SH3KBP1: variants seen among roughly 807,000 people sequenced by gnomAD.
SH3KBP1 encodes SH3 domain-containing kinase-binding protein 1.
SH3KBP1 carries 8 observed loss-of-function variants against 50.1 expected under a neutral mutation model. The ratio of observed to expected loss-of-function variants is 0.16; its 90% CI spans 0.09 to 0.29. The LOEUF is 0.29. SH3KBP1 is among the 10% of genes least tolerant of loss of function. The probability of loss-of-function intolerance (pLI) is 1.00; values close to 1 mark genes in which losing one functional copy is unlikely to be tolerated. For missense variants in SH3KBP1, 377 were observed against 535.2 expected (o/e 0.70, Z 2.92); for synonymous variants, 227 against 218.6 (o/e 1.04, Z -0.34).
At chrX:19,551,550 C>CTTTTTTTTTTTTTTTTT (rs397800260) in intron 13 of SH3KBP1, among the ~76,000 whole-genome samples, 30 of 95,152 alleles carry the variant, frequency 3.2e-4, no homozygotes, top group African/African-American at 1.1e-3. Flanking sequence ...CTCCCTCCCT[C>CTTTTTTTTTTTTTTTTT]TTTTTTTTTT....
intron 2 of SH3KBP1, among the ~76,000 whole-genome samples, chrX:19,778,283 T>G: frequency 9.2e-6 from 1 of 108,975 alleles, no homozygotes; most frequent in South Asian, 4.0e-4. Context: ...ATACAAAAAT[T>G]AGCTGGACAC....
intron 2 of SH3KBP1, among the ~76,000 whole-genome samples, chrX:19,814,269 C>A (rs953854844): frequency 2.7e-5 from 3 of 111,323 alleles, no homozygotes; most frequent in Non-Finnish European, 5.7e-5. Flanking sequence ...CCCTGTATTC[C>A]TGCAAAGGGC....
At chrX:19,775,118 C>G (rs1453206643) in intron 2 of SH3KBP1, among the ~76,000 whole-genome samples, 4 of 111,402 alleles carry the variant, frequency 3.6e-5, no homozygotes, top group African/African-American at 3.3e-5. Flanking sequence ...GACTGGAGGG[C>G]AGAAACCATC....
At position 19,645,520 on chromosome X, in the gene SH3KBP1, C is replaced by T. The variant is rs1269922183; in HGVS notation, c.727-45G>A. 5 of 960,722 alleles carry T rather than the reference C, an allele frequency of 5.2e-6. No individual in the cohort carries two copies. In the South Asian group the frequency reaches 1.0e-4, roughly 20 times the overall value. The allele number at this position is 960,722 out of a possible 1,213,427, so 79.2% of individuals were successfully genotyped here. The stretch of plus-strand genomic sequence containing the variant: ...ATTTTACTTATCAAGATGATTGTCT[C>T]CATTAAGCAAAGGAATAAGATCCAG... On this transcript the variant is annotated intron_variant, in intron 6 of 17. Coordinates refer to ENST00000397821, the MANE Select transcript of SH3KBP1 (RefSeq NM_031892.3).
chrX:19,656,418 A>T (rs1054361901), intron 6 of SH3KBP1, among the ~76,000 whole-genome samples: 3 of 111,901 alleles, frequency 2.7e-5, no homozygotes, highest in African/African-American at 9.7e-5. Flanking sequence ...AAGGTTTGAG[A>T]GATACTTAGG....
rs149337262 is a variant in SH3KBP1 at position 19,607,000 on chromosome X, G to A, written c.1005+938C>T. On this transcript the variant is annotated intron_variant, in intron 9 of 17. Transcript: ENST00000397821. ...TAATGGTCTATGGGCCGTAATCTTG[G>A]CAGGCGCCAACACCATCTAGCTTCT... Among the ~76,000 whole-genome samples the A allele has an allele frequency of 7.4e-3, 841 of 112,910 alleles. 11 individuals are homozygous for A. Among genetic ancestry groups the A allele is most frequent in the African/African-American group, 0.026 (808 of 31,106 alleles).
intron 2 of SH3KBP1, among the ~76,000 whole-genome samples, chrX:19,786,796 CCTTG>C (rs2066360681): frequency 8.9e-6 from 1 of 111,781 alleles, no homozygotes; most frequent in African/African-American, 3.3e-5. Flanking sequence ...CTGTCCTGCA[CCTTG>C]CTTTTCTCAC....
At chrX:19,780,417 C>T (rs1457451135) in intron 2 of SH3KBP1, among the ~76,000 whole-genome samples, 1 of 91,605 alleles carries the variant, frequency 1.1e-5, no homozygotes, top group Non-Finnish European at 2.2e-5. Flanking sequence ...ATGGTAGTTT[C>T]TTTTGCTGTG....
At chrX:19,594,670 T>TG (rs913392764) in intron 10 of SH3KBP1, among the ~76,000 whole-genome samples, 4 of 111,934 alleles carry the variant, frequency 3.6e-5, no homozygotes, top group Non-Finnish European at 5.6e-5. Flanking sequence ...AACTTGTTTT[T>TG]TTTGTTTGTT....
intron 13 of SH3KBP1, among the ~76,000 whole-genome samples, chrX:19,561,476 T>G (rs1006449923): frequency 8.9e-6 from 1 of 112,243 alleles, no homozygotes; most frequent in Non-Finnish European, 1.9e-5. Flanking sequence ...ATTGTACATT[T>G]CTGGACACTT....
rs397943096 is a variant in SH3KBP1 at position 19,595,590 on chromosome X, GT to G, written c.1006-591del. ...TTTTTTTGTTGTTGTTTTTTGGTTTGTTTTTTTTTTTTTTGCATATCAGCCG... is the reference window on the plus strand; with the variant it reads ...TTTTTTTGTTGTTGTTTTTTGGTTTGTTTTTTTTTTTTTGCATATCAGCCG... On this transcript the variant is annotated intron_variant, in intron 9 of 17. Coordinates refer to ENST00000397821, the MANE Select transcript of SH3KBP1 (RefSeq NM_031892.3). Among the ~76,000 whole-genome samples, 143 of 92,708 alleles carry G rather than the reference GT, an allele frequency of 1.5e-3. 1 individual carries two copies. Among genetic ancestry groups the G allele is most frequent in the Admixed American group, 1.8e-3 (16 of 8,675 alleles). The allele number at this position is 92,708 out of a possible 115,157, so 80.5% of individuals were successfully genotyped here. A position where few individuals can be genotyped will look rare whatever the true frequency, so the allele number is the denominator to read the frequency against.
At chrX:19,710,915 C>T (rs1196114446) in intron 3 of SH3KBP1, among the ~76,000 whole-genome samples, 1 of 111,750 alleles carries the variant, frequency 8.9e-6, no homozygotes, top group Non-Finnish European at 1.9e-5. Flanking sequence ...TGACCATTTA[C>T]TGTTTAATAA....
At chrX:19,709,142 T>C (rs1329988011) in intron 3 of SH3KBP1, among the ~76,000 whole-genome samples, 1 of 112,260 alleles carries the variant, frequency 8.9e-6, no homozygotes, top group Non-Finnish European at 1.9e-5. Context: ...CATAAAGGCC[T>C]GCCTGGTGTC....
In SH3KBP1 at chrX:19,634,507, C is replaced by A. The variant is rs369022612; in HGVS notation, c.803-2549G>T. Among the ~76,000 whole-genome samples the A allele has an allele frequency of 4.8e-4, 54 of 111,522 alleles. 1 individual carries two copies. In the South Asian group the frequency reaches 0.02, roughly 41 times the overall value. Reference sequence around the variant, plus strand: ...TAGAGAAAAAGAGGAGATCCTGGTGCCAGGGCTTGCTGCAGCATATCTCAG... The same window carrying A: ...TAGAGAAAAAGAGGAGATCCTGGTGACAGGGCTTGCTGCAGCATATCTCAG... On this transcript the variant is annotated intron_variant, in intron 7 of 17. Coordinates refer to ENST00000397821, the MANE Select transcript of SH3KBP1 (RefSeq NM_031892.3).
intron 6 of SH3KBP1, among the ~76,000 whole-genome samples, chrX:19,661,138 G>A (rs2062437831): frequency 8.9e-6 from 1 of 112,933 alleles, no homozygotes; most frequent in African/African-American, 3.2e-5. Flanking sequence ...TTTGCAGAAT[G>A]CAGCCCACAA....
intron 12 of SH3KBP1, among the ~76,000 whole-genome samples, chrX:19,580,000 A>C (rs2066320027): frequency 8.9e-6 from 1 of 111,762 alleles, no homozygotes; most frequent in Admixed American, 9.4e-5. Context: ...CAGTTTGTTT[A>C]AACTCTCCAC....
Position 19,854,474 on chromosome X carries a change from C to T in SH3KBP1, c.5-18192G>A, listed in dbSNP as rs770369338. Among the ~76,000 whole-genome samples, 3 of 111,771 alleles carry T rather than the reference C, an allele frequency of 2.7e-5. No homozygotes were observed. The East Asian group carries it at 8.4e-4, about 31-fold the overall frequency. ...CACTGAGTCAAACAAGCTGGACTCA[C>T]CAGTCTACGAGAGCGATGTGCCTAC... On this transcript the variant is annotated intron_variant, in intron 1 of 17. Transcript: ENST00000397821.
At chrX:19,846,746 C>T (rs1421233529) in intron 1 of SH3KBP1, among the ~76,000 whole-genome samples, 1 of 111,799 alleles carries the variant, frequency 8.9e-6, no homozygotes, top group East Asian at 2.8e-4. Flanking sequence ...CACCCCCCAA[C>T]ACCCTCTCAT....
intron 6 of SH3KBP1, among the ~76,000 whole-genome samples, chrX:19,652,143 T>C (rs2062145027): frequency 9.0e-6 from 1 of 111,103 alleles, no homozygotes; most frequent in East Asian, 2.8e-4. Context: ...ATTAGAGCCC[T>C]ACTGTTTCAA....
Sources: gnomAD v4.1 joint callset for allele counts (sites outside exome capture counted in the v4.1 genomes callset) on GRCh38, gnomAD v4.1.1 for gene constraint, MANE v1.5 for transcripts, NCBI Gene and HGNC (gene_info 2026-07-23, HGNC 2026-07-21) for gene names.